The following ALDOB variants were observed in gnomAD, a reference collection of about 807,000 sequenced individuals.
ALDOB encodes the protein aldolase, fructose-bisphosphate B.
In ALDOB, 39 loss-of-function variants were observed where a neutral mutation model predicts 41.0. The ratio of observed to expected loss-of-function variants is 0.95; its 90% CI spans 0.74 to 1.24. The LOEUF is 1.24. ALDOB is among the 50% of genes most tolerant of loss of function. The pLI is 0.00. For missense variants in ALDOB, 530 were observed against 457.3 expected, an observed-to-expected ratio of 1.16 and a Z score of -1.45; for synonymous variants, 175 against 168.8, an observed-to-expected ratio of 1.04 and a Z score of -0.28.
At chr9:101,425,723 A>T (rs1358396398) in intron 6 of ALDOB, 96 bp from the exon 7 acceptor site, 2 of 1,356,066 alleles carry the variant, frequency 1.5e-6, no homozygotes, top group Non-Finnish European at 2.1e-6. Flanking sequence ...AGGATGAAGG[A>T]ATTCTTATTT....
chr9:101,425,969 T>C (rs1020503181), intron 6 of ALDOB, among the ~76,000 whole-genome samples: 1 of 152,168 alleles, frequency 6.6e-6, no homozygotes, highest in African/African-American at 2.4e-5. Context: ...TTTAGCTATT[T>C]GGGGTCATCT....
intron 8 of ALDOB, among the ~76,000 whole-genome samples, chr9:101,424,092 C>A (rs956427361): frequency 3.9e-5 from 6 of 151,970 alleles, no homozygotes; most frequent in Non-Finnish European, 8.8e-5. Flanking sequence ...TCTTTTGAAT[C>A]TCTCTATAGC....
rs112217353 is a variant in ALDOB at position 101,430,058 on chromosome 9, G to A, written c.113-92C>T. On this transcript the variant is annotated intron_variant, in intron 2 of 8. Transcript: ENST00000647789. The stretch of plus-strand genomic sequence containing the variant: ...TCATCTCAGAGACCCTCACCACAGT[G>A]GAAAGCAAGACTTTCTTTTTTCAGA... The A allele has an allele frequency of 6.8e-4, 770 of 1,136,306 alleles. 2 individuals carry two copies. In the African/African-American group the frequency reaches 0.011, roughly 16 times the overall value. 70.4% of individuals were successfully genotyped at this position (1,136,306 alleles called of 1,614,324 possible). A position where few individuals can be genotyped will look rare whatever the true frequency, so the allele number is the denominator to read the frequency against.
intron 8 of ALDOB, among the ~76,000 whole-genome samples, chr9:101,423,901 A>C (rs1468237496): frequency 1.3e-5 from 2 of 152,116 alleles, no homozygotes; most frequent in Non-Finnish European, 2.9e-5. Context: ...GTATTTTAAA[A>C]ATTTTGGTTA....
chr9:101,430,854 G>T lies in ALDOB; in HGVS notation c.34C>A (p.Gln12Lys). The T allele has an allele frequency of 6.2e-7, 1 of 1,614,118 alleles. No individual in the cohort carries two copies. The highest frequency in any genetic ancestry group is 1.1e-5 in the South Asian group (1 of 91,078). Residue 12 changes from glutamine to lysine, a missense_variant, in exon 2 of 9, where the codon CAG becomes AAG. Physicochemically the swap from Gln to Lys is moderately conservative, Grantham distance 53. Transcript: ENST00000647789. ...AHRFPALTQE[Q>K]KKELSEIAQS... Reference sequence around the variant, plus strand: ...GCAATTTCTGAGAGCTCCTTCTTCTGCTCCTGGGTGAGGGCTGGAAATCGG... The same window carrying T: ...GCAATTTCTGAGAGCTCCTTCTTCTTCTCCTGGGTGAGGGCTGGAAATCGG...
rs751133985 is a variant in ALDOB, at chr9:101,425,538, A to G, written c.714T>C (p.His238=). 1 of 1,614,164 alleles carries G rather than the reference A, an allele frequency of 6.2e-7. No homozygotes were observed. Among genetic ancestry groups the G allele is most frequent in the Non-Finnish European group, 8.5e-7 (1 of 1,180,018 alleles). Residue 238 remains histidine, a synonymous_variant, in exon 7 of 9, where the codon CAT becomes CAC. Transcript: ENST00000647789. ...CTGGAGTATACTTCTTGGTGCAGGC[A>G]TGTCCAGCAGTCACCATGTTGGGCT... The part of the protein sequence containing the change: ...LLKPNMVTAG[H]ACTKKYTPEQ...
chr9:101,433,547 C>T (rs1447371210), intron 1 of ALDOB, among the ~76,000 whole-genome samples: 1 of 152,106 alleles, frequency 6.6e-6, no homozygotes, highest in Non-Finnish European at 1.5e-5. Context: ...GATCTCAAGC[C>T]AACTTTTTTC....
chr9:101,429,968 T>A lies in ALDOB; in HGVS notation c.113-2A>T. On this transcript the variant is annotated splice_acceptor_variant, in intron 2 of 8. Coordinates refer to ENST00000647789, the MANE Select transcript of ALDOB (RefSeq NM_000035.4). LOFTEE classifies it high-confidence loss of function. ...TCTGCAGGCGGTTCCCCATGGTACC[T>A]ATGGTGGGAGGGCCAAGGGCAGCAT... is the stretch of plus-strand genomic sequence containing the variant. 1 of 1,613,746 alleles carries A rather than the reference T, an allele frequency of 6.2e-7. No individual in the cohort carries two copies. Among genetic ancestry groups the A allele is most frequent in the Non-Finnish European group, 8.5e-7 (1 of 1,179,750 alleles).
At position 101,421,449 on chromosome 9, in the gene ALDOB, T is replaced by C. The variant is rs1230912925; in HGVS notation, c.*360A>G. 2 of 359,710 alleles carry C rather than the reference T, an allele frequency of 5.6e-6. No individual in the cohort carries two copies. The highest frequency in any genetic ancestry group is 1.4e-4 in the East Asian group (2 of 14,344). 22.3% of individuals were successfully genotyped at this position (359,710 alleles called of 1,614,324 possible). A position where few individuals can be genotyped will look rare whatever the true frequency, so the allele number is the denominator to read the frequency against. On this transcript the variant is annotated 3_prime_UTR_variant, in exon 9 of 9. Transcript: ENST00000647789. ...TCCCAACCTACCACTGCTAAGACTG[T>C]TTCATAAGATGCACTTCTCTACACT...
intron 1 of ALDOB, among the ~76,000 whole-genome samples, chr9:101,432,090 T>G (rs1438550665): frequency 6.6e-6 from 1 of 152,192 alleles, no homozygotes; most frequent in Non-Finnish European, 1.5e-5. Flanking sequence ...ACAAATATAT[T>G]TCTCCACATT....
chr9:101,421,893 C>T lies in ALDOB; in HGVS notation c.1011G>A (p.Gln337=), dbSNP rs566549564. The change falls in exon 9 of 9, where the codon CAG becomes CAA. Residue 337 remains glutamine (Q), a synonymous_variant. Transcript: ENST00000647789. ...AFMKRAMANC[Q]AAKGQYVHTG... The stretch of plus-strand genomic sequence containing the variant: ...TGTGAACATACTGTCCTTTGGCCGC[C>T]TGGCAGTTAGCCTAGAAGACAAATA... The T allele has an allele frequency of 1.6e-5, 26 of 1,613,942 alleles. No homozygotes were observed. In the African/African-American group the frequency reaches 2.4e-4, roughly 15 times the overall value.
At chr9:101,432,177 T>C (rs73657938) in intron 1 of ALDOB, among the ~76,000 whole-genome samples, 22 of 152,300 alleles carry the variant, frequency 1.4e-4, no homozygotes, top group African/African-American at 5.1e-4. Flanking sequence ...AGCTAATTCA[T>C]GAGAAGGTAT....
rs1279694304 is a variant in ALDOB at position 101,427,632 on chromosome 9, GC to G, written c.389del (p.Gly130AlafsTer23). On this transcript the variant is annotated frameshift_variant, in exon 5 of 9. Transcript: ENST00000647789. LOFTEE classifies it high-confidence loss of function. The part of the protein sequence containing the change: ...NKETTIQGLD[G>X]LSERCAQYKK... ...TGTACTGAGCACAGCGCTCTGAGAG[GC>G]CATCAAGCCCTGCAAGTCACAAAAG... 6.2e-7 allele frequency: 1 copy of G among 1,614,032 alleles called. No individual in the cohort carries two copies.
chr9:101,422,162 A>G (rs538158837), intron 8 of ALDOB, among the ~76,000 whole-genome samples: 1 of 152,308 alleles, frequency 6.6e-6, no homozygotes, highest in African/African-American at 2.4e-5. Context: ...TACCAACAAT[A>G]TTGCAGCAAC....
chr9:101,429,698 T>A, intron 3 of ALDOB, 57 bp downstream of exon 3: 1 of 1,500,824 alleles, frequency 6.7e-7, no homozygotes, highest in Non-Finnish European at 9.3e-7. Context: ...TCCTTGCCAG[T>A]GTGCTTGGAG....
chr9:101,428,651 A>G, intron 3 of ALDOB, 128 bp from the exon 4 acceptor site: 1 of 834,264 alleles, frequency 1.2e-6, no homozygotes, highest in Non-Finnish European at 2.1e-6. Flanking sequence ...AGTGCGAGGG[A>G]CCCAGTTCAG....
In ALDOB at chr9:101,426,614, G is replaced by C. The variant is rs960744778; in HGVS notation, c.565C>G (p.Pro189Ala). The change falls in exon 6 of 9, where the codon CCA becomes GCA. Residue 189 changes from proline to alanine, a missense_variant. Physicochemically the swap from Pro to Ala is conservative, Grantham distance 27. Transcript: ENST00000647789. ...QQNGLVPIVEPEVIPDGDHDL... is the reference protein window; with the variant it reads ...QQNGLVPIVEAEVIPDGDHDL... ...TGGTCTCCATCAGGAATTACCTCTG[G>C]TTCAACAATAGGTACCAGTCCATTC... 2 of 1,611,716 alleles carry C rather than the reference G, an allele frequency of 1.2e-6. No individual in the cohort carries two copies. The highest frequency in any genetic ancestry group is 1.7e-6 in the Non-Finnish European group (2 of 1,177,862).
intron 4 of ALDOB, among the ~76,000 whole-genome samples, chr9:101,427,977 A>T (rs185199247): frequency 6.6e-6 from 1 of 152,316 alleles, no homozygotes. Context: ...CAGAGCTGGG[A>T]TTCAAATTCT....
chr9:101,423,776 T>C (rs1161437052), intron 8 of ALDOB, among the ~76,000 whole-genome samples: 1 of 152,186 alleles, frequency 6.6e-6, no homozygotes, highest in Non-Finnish European at 1.5e-5. Context: ...CTCCTCTGGC[T>C]CCTCTTTCTT....
Sources: gnomAD v4.1 joint callset for allele counts (sites outside exome capture counted in the v4.1 genomes callset) on GRCh38, gnomAD v4.1.1 for gene constraint, MANE v1.5 for transcripts, NCBI Gene and HGNC (gene_info 2026-07-23, HGNC 2026-07-21) for gene names.